PRIM2: variants seen among roughly 807,000 people sequenced by gnomAD.
PRIM2 encodes the protein DNA primase subunit 2.
In PRIM2, 39 loss-of-function variants were observed where a neutral mutation model predicts 67.3. The ratio of observed to expected loss-of-function variants is 0.58; its 90% CI spans 0.45 to 0.76. The LOEUF (loss-of-function observed/expected upper bound fraction) is 0.76, where lower values mean the gene tolerates loss of function less well. PRIM2 is among the 30% of genes least tolerant of loss of function. PRIM2 has a pLI of 0.00. For missense variants in PRIM2, 398 were observed against 598.7 expected, an observed-to-expected ratio of 0.66 and a Z score of 3.50; for synonymous variants, 143 against 198.7, an observed-to-expected ratio of 0.72 and a Z score of 2.36.
chr6:57,342,210 A>G (rs1023369596), intron 5 of PRIM2, among the ~76,000 whole-genome samples: 1 of 152,172 alleles, frequency 6.6e-6, no homozygotes, highest in Non-Finnish European at 1.5e-5. Flanking sequence ...TAGTATAGGA[A>G]GCCTTAATAT....
chr6:57,345,286 T>C (rs1449403592), intron 5 of PRIM2, among the ~76,000 whole-genome samples: 5 of 152,070 alleles, frequency 3.3e-5, no homozygotes, highest in Non-Finnish European at 5.9e-5. Context: ...GCCTCCCTAA[T>C]AGCTGGAATT....
intron 10 of PRIM2, among the ~76,000 whole-genome samples, chr6:57,561,492 C>T (rs1451376400): frequency 5.3e-5 from 8 of 152,240 alleles, no homozygotes; most frequent in Non-Finnish European, 8.8e-5. Flanking sequence ...CTCGGCCTCC[C>T]AAAGTGCTAG....
the PRIM2 span, among the ~76,000 whole-genome samples, chr6:57,295,380 G>A: frequency 1.3e-5 from 2 of 152,112 alleles, no homozygotes; most frequent in Non-Finnish European, 2.9e-5. Flanking sequence ...ATCTGCTCCA[G>A]TACTTAGAGG....
intron 7 of PRIM2, among the ~76,000 whole-genome samples, chr6:57,468,308 T>C (rs1258179506): frequency 1.3e-5 from 2 of 152,246 alleles, no homozygotes; most frequent in African/African-American, 4.8e-5. Flanking sequence ...GTTCCATCAA[T>C]ACCTAGTTTA....
At chr6:57,258,146 T>G in the PRIM2 span, among the ~76,000 whole-genome samples, 18 of 152,242 alleles carry the variant, frequency 1.2e-4, 1 homozygote, top group East Asian at 3.5e-3. Context: ...GACATTCGAC[T>G]GTGAGTTTCA....
chr6:57,311,018 CG>C (rs1247830177), upstream of PRIM2, among the ~76,000 whole-genome samples: 1 of 146,434 alleles, frequency 6.8e-6, no homozygotes, highest in African/African-American at 2.6e-5. Flanking sequence ...CTAGTCTAGG[CG>C]GCCGGGCAGA....
Position 57,426,076 on chromosome 6 carries a change from G to T in PRIM2, c.693+43908G>T, listed in dbSNP as rs867447337. On this transcript the variant is annotated intron_variant, in intron 7 of 13. Transcript: ENST00000615550. ...TTGAAGATGGAAAGTAACTCATGTC[G>T]TGTCTACTCATATATACTTTACATA... Among the ~76,000 whole-genome samples, 6 of 152,096 alleles carry T rather than the reference G, an allele frequency of 3.9e-5. No individual in the cohort carries two copies. In the East Asian group the frequency reaches 1.2e-3, roughly 29 times the overall value.
the PRIM2 span, among the ~76,000 whole-genome samples, chr6:57,252,598 G>A: frequency 6.6e-6 from 1 of 152,190 alleles, no homozygotes; most frequent in Non-Finnish European, 1.5e-5. Flanking sequence ...ACGCCACCAT[G>A]TCTGGCTATT....
At position 57,549,739 on chromosome 6, in the gene PRIM2, G is replaced by T. The variant is rs1346908614; in HGVS notation, c.1020+12114G>T. On this transcript the variant is annotated intron_variant, in intron 10 of 13. Transcript: ENST00000615550. ...GTTTTGGTTTTTCTTTCAAAGAAAAGCTTGTTTTGTTTGAATGTTCGTGTT... is the reference window on the plus strand; with the variant it reads ...GTTTTGGTTTTTCTTTCAAAGAAAATCTTGTTTTGTTTGAATGTTCGTGTT... 7.2e-5 allele frequency among the ~76,000 whole-genome samples: 11 copies of T among 152,284 alleles called. No individual in the cohort carries two copies. The East Asian group carries it at 2.1e-3, about 29-fold the overall frequency.
chr6:57,509,911 T>A (rs1774327400), intron 8 of PRIM2, among the ~76,000 whole-genome samples: 1 of 151,012 alleles, frequency 6.6e-6, no homozygotes, highest in Non-Finnish European at 1.5e-5. Flanking sequence ...ATATTGTAGA[T>A]GTATATACAT....
At chr6:57,287,214 T>A in the PRIM2 span, among the ~76,000 whole-genome samples, 1 of 152,156 alleles carries the variant, frequency 6.6e-6, no homozygotes, top group Admixed American at 6.6e-5. Context: ...TCCTGAAGGA[T>A]CTAGAACTAG....
In PRIM2 at chr6:57,360,032, G is replaced by A. The variant is rs1769146240; in HGVS notation, c.460-19869G>A. ...AATAAGGTATAAGGTATGAGATAAT[G>A]AGGTTGATGTTTTTATGTGGTGCTC... On this transcript the variant is annotated intron_variant, in intron 5 of 13. Coordinates refer to ENST00000615550, the MANE Select transcript of PRIM2 (RefSeq NM_000947.5). 2.6e-5 allele frequency among the ~76,000 whole-genome samples: 4 copies of A among 152,176 alleles called. No individual in the cohort carries two copies. In the South Asian group the frequency reaches 8.3e-4, roughly 32 times the overall value.
intron 10 of PRIM2, among the ~76,000 whole-genome samples, chr6:57,572,591 G>T (rs1394806336): frequency 2.0e-5 from 3 of 152,124 alleles, no homozygotes; most frequent in African/African-American, 4.8e-5. Flanking sequence ...GCAATTTTGT[G>T]TGCATACCTG....
chr6:57,324,063 G>A, intron 3 of PRIM2, 138 bp from the exon 4 acceptor site: 1 of 562,270 alleles, frequency 1.8e-6, no homozygotes, highest in South Asian at 2.2e-5. Context: ...CAGTCTGGGT[G>A]GTAGAGCAAG....
intron 7 of PRIM2, among the ~76,000 whole-genome samples, chr6:57,436,623 G>A (rs1456500717): frequency 3.9e-5 from 6 of 152,298 alleles, no homozygotes; most frequent in Non-Finnish European, 8.8e-5. Context: ...AGGCTGGAAT[G>A]TTGATATGCG....
At chr6:57,640,103 T>C (rs1319240561) in intron 13 of PRIM2, among the ~76,000 whole-genome samples, 8 of 152,186 alleles carry the variant, frequency 5.3e-5, no homozygotes, top group African/African-American at 1.9e-4. Flanking sequence ...ATAAACATAA[T>C]CCAGTGCATA....
chr6:57,285,206 C>T, the PRIM2 span, among the ~76,000 whole-genome samples: 1 of 152,164 alleles, frequency 6.6e-6, no homozygotes, highest in African/African-American at 2.4e-5. Flanking sequence ...ATAAAGACAG[C>T]TGGTACCATT....
At chr6:57,579,861 T>C (rs1776048989) in intron 10 of PRIM2, among the ~76,000 whole-genome samples, 1 of 152,062 alleles carries the variant, frequency 6.6e-6, no homozygotes, top group African/African-American at 2.4e-5. Context: ...GACAATGTTA[T>C]ACAAAATGCA....
chr6:57,410,692 AT>A (rs1341769674), intron 7 of PRIM2, among the ~76,000 whole-genome samples: 3 of 151,420 alleles, frequency 2.0e-5, no homozygotes, highest in South Asian at 2.1e-4. Context: ...ATATAGTTTT[AT>A]TTTTTTTCTT....
Sources: allele counts gnomAD v4.1 joint callset (sites outside exome capture counted in the v4.1 genomes callset), GRCh38; gene constraint gnomAD v4.1.1; transcripts MANE v1.5; gene names NCBI Gene and HGNC (gene_info 2026-07-23, HGNC 2026-07-21).